The following DOK5 variants were observed in gnomAD, a reference collection of about 807,000 sequenced individuals.
DOK5 encodes docking protein 5.
A neutral mutation model predicts 43.3 loss-of-function variants in DOK5; 27 were observed. The observed-to-expected ratio is 0.62, with a 90% CI of 0.46 to 0.86. The LOEUF (loss-of-function observed/expected upper bound fraction) is 0.86. Ranked by LOEUF, DOK5 falls within the 40% of genes least tolerant of loss-of-function variation. DOK5 has a pLI of 0.00. For missense variants in DOK5, 373 were observed against 392.9 expected (o/e 0.95, Z 0.43); for synonymous variants, 146 against 140.1 (o/e 1.04, Z -0.30).
At chr20:54,635,667 T>C (rs1385910646) in intron 6 of DOK5, among the ~76,000 whole-genome samples, 1 of 152,214 alleles carries the variant, frequency 6.6e-6, no homozygotes, top group African/African-American at 2.4e-5. Context: ...CTAAAACATA[T>C]AAAACCAAGC....
intron 1 of DOK5, among the ~76,000 whole-genome samples, chr20:54,544,772 A>T (rs1984280869): frequency 6.6e-6 from 1 of 152,128 alleles, no homozygotes; most frequent in Admixed American, 6.5e-5. Flanking sequence ...CCACAGGATC[A>T]GTTGAGTCAA....
At chr20:54,570,654 T>A (rs1007511450) in intron 2 of DOK5, among the ~76,000 whole-genome samples, 13 of 152,172 alleles carry the variant, frequency 8.5e-5, no homozygotes, top group African/African-American at 2.9e-4. Flanking sequence ...CTTTTTTTTT[T>A]AAATGGCTTT....
chr20:54,517,901 G>A (rs958488204), intron 1 of DOK5, among the ~76,000 whole-genome samples: 4 of 152,184 alleles, frequency 2.6e-5, no homozygotes, highest in African/African-American at 9.6e-5. Flanking sequence ...ACTTGCCAGT[G>A]CCTTGATCTT....
At chr20:54,589,230 G>A (rs1000390192) in intron 4 of DOK5, among the ~76,000 whole-genome samples, 24 of 152,262 alleles carry the variant, frequency 1.6e-4, no homozygotes, top group East Asian at 9.6e-4. Context: ...GATTCTAGAC[G>A]ATACCGTTGG....
At chr20:54,489,242 T>C (rs1055954408) in intron 1 of DOK5, among the ~76,000 whole-genome samples, 4 of 152,250 alleles carry the variant, frequency 2.6e-5, no homozygotes, top group African/African-American at 7.2e-5. Flanking sequence ...GAGTAGGTAA[T>C]ATGTACCCTT....
intron 2 of DOK5, among the ~76,000 whole-genome samples, chr20:54,581,904 T>C (rs1380199266): frequency 6.6e-6 from 1 of 152,034 alleles, no homozygotes; most frequent in Non-Finnish European, 1.5e-5. Flanking sequence ...GTCTAATTGC[T>C]CTAGCTAGGA....
chr20:54,584,625 T>C (rs1223382032), intron 2 of DOK5, among the ~76,000 whole-genome samples: 1 of 150,770 alleles, frequency 6.6e-6, no homozygotes, highest in Admixed American at 6.6e-5. Flanking sequence ...AGTACTATAA[T>C]ATGTATTTGT....
chr20:54,630,760 A>C (rs1472609376), intron 6 of DOK5, among the ~76,000 whole-genome samples: 2 of 152,262 alleles, frequency 1.3e-5, no homozygotes, highest in African/African-American at 2.4e-5. Context: ...TGTAAGAATA[A>C]AAATGAAATT....
At chr20:54,479,416 T>C (rs1981576081) in intron 1 of DOK5, among the ~76,000 whole-genome samples, 2 of 152,264 alleles carry the variant, frequency 1.3e-5, no homozygotes, top group South Asian at 4.1e-4. Flanking sequence ...TCCATAATTA[T>C]TTGAGTAATC....
intron 2 of DOK5, among the ~76,000 whole-genome samples, chr20:54,578,159 C>G (rs1227191210): frequency 6.6e-6 from 1 of 152,130 alleles, no homozygotes; most frequent in Admixed American, 6.6e-5. Flanking sequence ...TTATCTTTTA[C>G]CACTATGTGC....
chr20:54,580,528 G>A (rs536924696), intron 2 of DOK5, among the ~76,000 whole-genome samples: 1 of 151,918 alleles, frequency 6.6e-6, no homozygotes. Flanking sequence ...TTAGGTCTGT[G>A]GGGTTGTTTT....
At chr20:54,638,103 C>A (rs1369471992) in intron 6 of DOK5, among the ~76,000 whole-genome samples, 6 of 132,214 alleles carry the variant, frequency 4.5e-5, no homozygotes, top group Non-Finnish European at 7.8e-5. Flanking sequence ...GCCTGGGTGA[C>A]AGAGCGAGAC....
At position 54,610,552 on chromosome 20, in the gene DOK5, C is replaced by T. The variant is rs752266082; in HGVS notation, c.735+29C>T. ...CGTTTGGAATTTCTTCCTCGTGTCC[C>T]AGTGCCTATCACTGCAGAAAGCAAT... On this transcript the variant is annotated intron_variant, in intron 6 of 7. Transcript: ENST00000262593. 32 of 1,423,296 alleles carry T rather than the reference C, an allele frequency of 2.2e-5. 1 individual carries two copies. In the South Asian group the frequency reaches 5.2e-4, roughly 23 times the overall value. 88.2% of individuals were successfully genotyped at this position (1,423,296 alleles called of 1,614,324 possible). A position where few individuals can be genotyped will look rare whatever the true frequency, so the allele number is the denominator to read the frequency against.
intron 1 of DOK5, among the ~76,000 whole-genome samples, chr20:54,525,403 T>C (rs1461525087): frequency 6.6e-6 from 1 of 152,230 alleles, no homozygotes; most frequent in African/African-American, 2.4e-5. Flanking sequence ...GCAGGGAATA[T>C]GCACTGTCAG....
chr20:54,587,775 C>A (rs1985853601), intron 2 of DOK5, among the ~76,000 whole-genome samples: 1 of 152,108 alleles, frequency 6.6e-6, no homozygotes, highest in Non-Finnish European at 1.5e-5. Flanking sequence ...GGATGGCTTT[C>A]CTCCCTGCTA....
intron 7 of DOK5, among the ~76,000 whole-genome samples, chr20:54,648,611 G>C (rs143947091): frequency 1.2e-4 from 19 of 152,302 alleles, no homozygotes; most frequent in Admixed American, 6.5e-4. Flanking sequence ...GGCATTCAAA[G>C]ATCAGGAAGG....
At chr20:54,560,995 A>G (rs1359817318) in intron 2 of DOK5, among the ~76,000 whole-genome samples, 1 of 152,204 alleles carries the variant, frequency 6.6e-6, no homozygotes, top group African/African-American at 2.4e-5. Flanking sequence ...TCAAGGCAGA[A>G]GCCAGGGAGT....
chr20:54,595,561 T>A (rs1304423343), intron 5 of DOK5, among the ~76,000 whole-genome samples: 1 of 152,228 alleles, frequency 6.6e-6, no homozygotes, highest in Non-Finnish European at 1.5e-5. Flanking sequence ...CCCTTTATGG[T>A]CCATCCATTT....
intron 1 of DOK5, among the ~76,000 whole-genome samples, chr20:54,536,318 T>A (rs1983962631): frequency 2.6e-5 from 4 of 152,164 alleles, no homozygotes. Context: ...CTTTGTGACT[T>A]TATTGTCTCC....
Sources: allele counts gnomAD v4.1 joint callset (sites outside exome capture counted in the v4.1 genomes callset), GRCh38; gene constraint gnomAD v4.1.1; transcripts MANE v1.5; gene names NCBI Gene and HGNC (gene_info 2026-07-23, HGNC 2026-07-21).